Variants in CCDC142 observed in about 807,000 individuals in gnomAD.
CCDC142 encodes the protein coiled-coil domain-containing protein 142.
Under a neutral mutation model 83.8 loss-of-function variants are expected in CCDC142, and 67 were observed. The observed-to-expected ratio is 0.80, with a 90% CI of 0.66 to 0.98. The LOEUF (loss-of-function observed/expected upper bound fraction) is 0.98, where lower values mean the gene tolerates loss of function less well. Ranked by LOEUF, CCDC142 falls within the 50% of genes least tolerant of loss-of-function variation. The pLI, the probability that CCDC142 is intolerant of heterozygous loss-of-function variation, is 0.00. For synonymous variants in CCDC142, 421 were observed against 421.2 expected (o/e 1.00, Z 0.01); for missense variants, 905 against 946.8 (o/e 0.96, Z 0.58).
rs781520558 is a variant in CCDC142 at position 74,482,366 on chromosome 2, G to A, written c.472C>T (p.Pro158Ser). 1.3e-6 allele frequency: 2 copies of A among 1,587,880 alleles called. No homozygotes were observed. The highest frequency in any genetic ancestry group is 1.3e-5 in the African/African-American group (1 of 74,940). ...PSQGAVLRIG[P>S]GETLEPLLLA... is the part of the protein sequence containing the mutation. ...AGCAGCGGCTCGAGAGTCTCCCCAG[G>A]GCCGATTCGCAGAACCGCCCCTTGG... Residue 158 changes from proline to serine, a missense_variant, in exon 1 of 9, where the codon CCT becomes TCT. This residue lies in a region of CCDC142 where 591 missense variants were observed against 571.4 expected (regional missense o/e 1.03). Coordinates refer to ENST00000393965, the MANE Select transcript of CCDC142 (RefSeq NM_001365575.2). The surrounding 1 kb of genome is among the most constrained non-coding windows in gnomAD (Gnocchi z 5.0).
At chr2:74,481,702 G>A in intron 1 of CCDC142, 115 bp downstream of exon 1, 3 of 1,399,640 alleles carry the variant, frequency 2.1e-6, no homozygotes, top group Non-Finnish European at 3.0e-6. Flanking sequence ...CTGAACCCAG[G>A]GGTGTTCTTT....
At position 74,474,689 on chromosome 2, in the gene CCDC142, G is replaced by GC; in HGVS notation, c.2109dup (p.Gln704AlafsTer10). ...GGTCCCCTTCCTCCTAGTGTGCTTT[G>GC]CAGCTGACCTGTCTGGGCTGGAGAT... On this transcript the variant is annotated frameshift_variant, in exon 9 of 9. Coordinates refer to ENST00000393965, the MANE Select transcript of CCDC142 (RefSeq NM_001365575.2). LOFTEE classifies it high-confidence loss of function. The GC allele has an allele frequency of 6.2e-7, 1 of 1,614,204 alleles. No homozygotes were observed. The highest frequency in any genetic ancestry group is 8.5e-7 in the Non-Finnish European group (1 of 1,180,034).
At chr2:74,478,537 G>T (rs1196971892) in intron 5 of CCDC142, among the ~76,000 whole-genome samples, 1 of 151,488 alleles carries the variant, frequency 6.6e-6, no homozygotes, top group South Asian at 2.1e-4. Context: ...CCACCATACC[G>T]GCTACTTTTT....
In CCDC142 at chr2:74,482,847, G is replaced by A. The variant is rs2104035918; in HGVS notation, c.-10C>T. The A allele has an allele frequency of 6.3e-7, 1 of 1,594,192 alleles. No individual in the cohort carries two copies. The highest frequency in any genetic ancestry group is 2.2e-5 in the East Asian group (1 of 44,844). On this transcript the variant is annotated 5_prime_UTR_variant, in exon 1 of 9. Coordinates refer to ENST00000393965, the MANE Select transcript of CCDC142 (RefSeq NM_001365575.2). This position sits in a 1 kb window ranked among gnomAD's most constrained non-coding sequence, Gnocchi z 5.0. ...GAGACGCCTGGGCCATGGGGCGGCG[G>A]GTCCAGAACGAACCTAACGATTCCC...
At chr2:74,479,233 C>T (rs190131247) in intron 5 of CCDC142, among the ~76,000 whole-genome samples, 20 of 152,028 alleles carry the variant, frequency 1.3e-4, no homozygotes, top group Admixed American at 1.1e-3. Flanking sequence ...AGACTGAACC[C>T]GGGAGTTCAC....
Position 74,480,871 on chromosome 2 carries a change from A to G in CCDC142, c.1401T>C (p.His467=), listed in dbSNP as rs1381158830. 1.9e-6 allele frequency: 3 copies of G among 1,613,882 alleles called. No individual in the cohort carries two copies. The highest frequency in any genetic ancestry group is 2.5e-6 in the Non-Finnish European group (3 of 1,179,744). The part of the protein sequence containing the change: ...LIQKDLPPLL[H]EAEALYSLAS... ...CCAGGCTATACAAAGCTTCTGCCTC[A>G]TGCAACAGAGGCTTTGGGTGGAAAC... Residue 467 remains histidine (H), a synonymous_variant, in exon 5 of 9, where the codon CAT becomes CAC. Coordinates refer to ENST00000393965, the MANE Select transcript of CCDC142 (RefSeq NM_001365575.2).
chr2:74,482,314 G>A lies in CCDC142; in HGVS notation c.524C>T (p.Ala175Val), dbSNP rs1429859222. Residue 175 changes from alanine to valine, a missense_variant, in exon 1 of 9, where the codon GCC becomes GTC. Physicochemically the swap from Ala to Val is moderately conservative, Grantham distance 64. Coordinates refer to ENST00000393965, the MANE Select transcript of CCDC142 (RefSeq NM_001365575.2). This position sits in a 1 kb window ranked among gnomAD's most constrained non-coding sequence, Gnocchi z 5.0. ...CTCGATGACAGCCTCCAGGCACTGG[G>A]CGGCTAGTCCGATGGGGCGCGCTAG... ...LLLARPIGLA[A>V]QCLEAVIEMQ... The A allele has an allele frequency of 6.2e-7, 1 of 1,610,268 alleles. No homozygotes were observed. The highest frequency in any genetic ancestry group is 8.5e-7 in the Non-Finnish European group (1 of 1,179,088).
In CCDC142 at chr2:74,476,092, CACACACACACAG is replaced by C. The variant is rs1355208241; in HGVS notation, c.1504-378_1504-367del. Among the ~76,000 whole-genome samples, 408 of 142,554 alleles carry C rather than the reference CACACACACACAG, an allele frequency of 2.9e-3. 1 individual carries two copies. Among genetic ancestry groups the C allele is most frequent in the South Asian group, 6.0e-3 (26 of 4,344 alleles). 93.5% of individuals were successfully genotyped at this position (142,554 alleles called of 152,430 possible). On this transcript the variant is annotated intron_variant, in intron 5 of 8. Coordinates refer to ENST00000393965, the MANE Select transcript of CCDC142 (RefSeq NM_001365575.2). The stretch of plus-strand genomic sequence containing the variant: ...ACACACACACACACACACACACACA[CACACACACACAG>C]AGCATATGCCAGAAAGAGGGATTGT...
Position 74,481,315 on chromosome 2 carries a change from G to A in CCDC142, c.1166C>T (p.Ser389Phe), listed in dbSNP as rs746320597. ...CTGCTGCAAAAGTTCAGCAGTGCCA[G>A]AGGATGTGGGAAGGCTGCTCTGACC... ...LGGQSSLPTS[S>F]GTAELLQQLF... The change falls in exon 3 of 9, where the codon TCT becomes TTT. Residue 389 changes from serine (S) to phenylalanine (F), a missense_variant. Around this residue, in one of 3 missense-constraint regions of CCDC142, gnomAD observed 591 missense variants for 571.4 expected, o/e 1.03. Coordinates refer to ENST00000393965, the MANE Select transcript of CCDC142 (RefSeq NM_001365575.2). 3.7e-6 allele frequency: 6 copies of A among 1,614,048 alleles called. No homozygotes were observed. The East Asian group carries it at 1.3e-4, about 36-fold the overall frequency.
intron 5 of CCDC142, 62 bp downstream of exon 5, chr2:74,480,707 C>T (rs1337333017): frequency 8.6e-7 from 1 of 1,158,436 alleles, no homozygotes; most frequent in African/African-American, 1.5e-5. Context: ...CTCTTCCCAC[C>T]CCCGATACTT....
chr2:74,481,128 G>A (rs749406101), intron 3 of CCDC142, 42 bp from the exon 4 acceptor site: 1 of 1,608,806 alleles, frequency 6.2e-7, no homozygotes, highest in Non-Finnish European at 8.5e-7. Context: ...AGGGGTCATG[G>A]AGTACCTTTG....
At chr2:74,478,528 C>T (rs1672377550) in intron 5 of CCDC142, among the ~76,000 whole-genome samples, 1 of 151,918 alleles carries the variant, frequency 6.6e-6, no homozygotes, top group African/African-American at 2.4e-5. Context: ...AGGCACCTGC[C>T]ACCATACCGG....
intron 5 of CCDC142, among the ~76,000 whole-genome samples, chr2:74,478,536 C>T (rs1008047187): frequency 1.1e-4 from 17 of 151,894 alleles, no homozygotes; most frequent in African/African-American, 3.6e-4. Context: ...GCCACCATAC[C>T]GGCTACTTTT....
rs376916232 is a variant in CCDC142 at position 74,474,328 on chromosome 2, C to T, written c.*218G>A. 3.7e-4 allele frequency: 187 copies of T among 502,538 alleles called. 1 individual carries two copies. Among genetic ancestry groups the T allele is most frequent in the African/African-American group, 3.1e-3 (158 of 50,794 alleles). The allele number at this position is 502,538 out of a possible 1,614,324, so 31.1% of individuals were successfully genotyped here. Reference sequence around the variant, plus strand: ...TTGATCTCCTGACCTCATGATCCGCCTGCCTCGGTCTCCCAAAGTGCTGGA... The same window carrying T: ...TTGATCTCCTGACCTCATGATCCGCTTGCCTCGGTCTCCCAAAGTGCTGGA... On this transcript the variant is annotated 3_prime_UTR_variant, in exon 9 of 9. Coordinates refer to ENST00000393965, the MANE Select transcript of CCDC142 (RefSeq NM_001365575.2).
rs1672305973 is a variant in CCDC142, at chr2:74,475,621, G to C, written c.1609C>G (p.Leu537Val). Residue 537 changes from leucine (L) to valine (V), a missense_variant, in exon 6 of 9, where the codon CTC becomes GTC. Around this residue, in one of 3 missense-constraint regions of CCDC142, gnomAD observed 265 missense variants for 288.9 expected, o/e 0.92. Transcript: ENST00000393965. ...TGGGATGAGGAGTTACCAGGACAGA[G>C]ACGAAGCCGCCAGTACCGACCCCGT... ...MPRGRYWRLR[L>V]CPEPPSAPSE... The C allele has an allele frequency of 6.2e-7, 1 of 1,613,348 alleles. No individual in the cohort carries two copies. The highest frequency in any genetic ancestry group is 1.1e-5 in the South Asian group (1 of 91,052).
Position 74,480,995 on chromosome 2 carries a change from G to T in CCDC142, c.1350C>A (p.Asp450Glu). 1 of 1,614,144 alleles carries T rather than the reference G, an allele frequency of 6.2e-7. No individual in the cohort carries two copies. Among genetic ancestry groups the T allele is most frequent in the Non-Finnish European group, 8.5e-7 (1 of 1,180,044 alleles). The change falls in exon 4 of 9, where the codon GAC becomes GAA. Residue 450 changes from aspartate (D) to glutamate (E), a missense_variant. Asp to Glu is a conservative substitution (Grantham distance 45, BLOSUM62 2). Around this residue, in one of 3 missense-constraint regions of CCDC142, gnomAD observed 49 missense variants for 86.4 expected, o/e 0.57. Transcript: ENST00000393965. ...GGATCAGGAGCAGGAAGGAAGCTGGGTCCCATGCTGCCAAGTACTGCTGAG... is the reference window on the plus strand; with the variant it reads ...GGATCAGGAGCAGGAAGGAAGCTGGTTCCCATGCTGCCAAGTACTGCTGAG... Reference protein sequence around the residue: ...GRAQQYLAAWDPASFLLLIQK... With the variant: ...GRAQQYLAAWEPASFLLLIQK...
intron 1 of CCDC142, 112 bp downstream of exon 1, chr2:74,481,705 T>C (rs1672475189): frequency 7.2e-7 from 1 of 1,396,930 alleles, no homozygotes; most frequent in Non-Finnish European, 9.9e-7. Context: ...AACCCAGGGG[T>C]GTTCTTTCTA....
At chr2:74,476,026 C>A (rs1466581217) in intron 5 of CCDC142, among the ~76,000 whole-genome samples, 1 of 145,298 alleles carries the variant, frequency 6.9e-6, no homozygotes, top group African/African-American at 2.6e-5. Context: ...GAAAGACATA[C>A]CCTGCCCCCA....
intron 5 of CCDC142, among the ~76,000 whole-genome samples, chr2:74,477,260 G>A (rs1672344868): frequency 6.6e-6 from 1 of 152,086 alleles, no homozygotes; most frequent in South Asian, 2.1e-4. Flanking sequence ...TGGGATTACA[G>A]GCACCCGTCA....
Sources: allele counts gnomAD v4.1 joint callset (sites outside exome capture counted in the v4.1 genomes callset), GRCh38; gene constraint gnomAD v4.1.1; regional missense constraint gnomAD v4.1.1; non-coding constraint Gnocchi (gnomAD v3.1); transcripts MANE v1.5; gene names NCBI Gene and HGNC (gene_info 2026-07-23, HGNC 2026-07-21).